PLD1: variants seen among roughly 807,000 people sequenced by gnomAD.
The protein encoded by PLD1 is phospholipase D1, also known as choline phosphatase 1.
PLD1 carries 112 observed loss-of-function variants against 137.1 expected under a neutral mutation model. The observed-to-expected ratio is 0.82, with a 90% CI of 0.70 to 0.96. The LOEUF (loss-of-function observed/expected upper bound fraction) is 0.96, where lower values mean the gene tolerates loss of function less well. PLD1 is among the 40% of genes least tolerant of loss of function. The pLI, the probability that PLD1 is intolerant of heterozygous loss-of-function variation, is 0.00. For synonymous variants in PLD1, 431 were observed against 454.7 expected (o/e 0.95, Z 0.66); for missense variants, 1,321 against 1,342.0 (o/e 0.98, Z 0.24).
chr3:171,729,451 C>T (rs535935866), intron 6 of PLD1, among the ~76,000 whole-genome samples: 4 of 152,266 alleles, frequency 2.6e-5, no homozygotes, highest in South Asian at 4.2e-4. Flanking sequence ...TTGGCAATCA[C>T]GTACACACTG....
intron 26 of PLD1, among the ~76,000 whole-genome samples, chr3:171,604,740 A>G (rs932272971): frequency 2.0e-5 from 3 of 152,272 alleles, no homozygotes; most frequent in Non-Finnish European, 2.9e-5. Context: ...CCAACAAATG[A>G]CATGTCTTGT....
chr3:171,654,688 C>G (rs184108346), intron 21 of PLD1, among the ~76,000 whole-genome samples: 1 of 152,114 alleles, frequency 6.6e-6, no homozygotes, highest in Non-Finnish European at 1.5e-5. Flanking sequence ...GATTTTTTTT[C>G]TCTCTGATCG....
chr3:171,663,587 G>C (rs1200619960), intron 19 of PLD1, among the ~76,000 whole-genome samples: 1 of 152,172 alleles, frequency 6.6e-6, no homozygotes, highest in East Asian at 1.9e-4. Flanking sequence ...CTGCAGAGCA[G>C]ACTGTGGCTG....
intron 1 of PLD1, among the ~76,000 whole-genome samples, chr3:171,780,402 CGTG>C (rs1722752204): frequency 6.6e-6 from 1 of 152,136 alleles, no homozygotes; most frequent in Non-Finnish European, 1.5e-5. Context: ...TGGCTTTAAA[CGTG>C]GTAGTTAGCT....
intron 11 of PLD1, 126 bp downstream of exon 11, chr3:171,708,628 AC>A: frequency 1.7e-6 from 1 of 578,742 alleles, no homozygotes; most frequent in Non-Finnish European, 3.1e-6. Context: ...ACTGGTTGAG[AC>A]CCTGGCCAAA....
At chr3:171,771,185 A>G (rs1722329375) in intron 1 of PLD1, 1 of 152,176 alleles carries the variant, frequency 6.6e-6, no homozygotes, top group African/African-American at 2.4e-5. Flanking sequence ...GCAAAATGTT[A>G]TTTACTAACC....
At chr3:171,667,473 A>C (rs1712265107) in intron 19 of PLD1, among the ~76,000 whole-genome samples, 1 of 152,262 alleles carries the variant, frequency 6.6e-6, no homozygotes, top group African/African-American at 2.4e-5. Flanking sequence ...GGACAGAAAG[A>C]AAAGATAATT....
intron 16 of PLD1, among the ~76,000 whole-genome samples, chr3:171,682,047 A>G (rs1261165451): frequency 6.6e-6 from 1 of 151,884 alleles, no homozygotes; most frequent in Non-Finnish European, 1.5e-5. Flanking sequence ...TTGTATACCT[A>G]TGTAACAAAC....
intron 23 of PLD1, among the ~76,000 whole-genome samples, chr3:171,639,574 ATATATAT>A (rs1735494887): frequency 1.1e-5 from 1 of 91,188 alleles, no homozygotes; most frequent in Non-Finnish European, 2.0e-5. Context: ...ATTATATATA[ATATATAT>A]TCATATAATA....
intron 23 of PLD1, among the ~76,000 whole-genome samples, chr3:171,629,203 T>C (rs1235520883): frequency 3.3e-5 from 5 of 151,976 alleles, no homozygotes; most frequent in African/African-American, 9.7e-5. Flanking sequence ...TCACAAGCAT[T>C]CTTATACACC....
intron 1 of PLD1, among the ~76,000 whole-genome samples, chr3:171,769,031 C>G (rs1018300210): frequency 6.6e-6 from 1 of 152,200 alleles, no homozygotes; most frequent in African/African-American, 2.4e-5. Context: ...TGCTTAGACA[C>G]TTTACCCCAA....
chr3:171,606,010 G>A (rs541983316), intron 25 of PLD1, among the ~76,000 whole-genome samples: 3 of 152,120 alleles, frequency 2.0e-5, no homozygotes, highest in South Asian at 2.1e-4. Flanking sequence ...ATTAAAATAC[G>A]GCTGCTGTAT....
chr3:171,808,292 T>A (rs887333971), intron 1 of PLD1, among the ~76,000 whole-genome samples: 24 of 150,952 alleles, frequency 1.6e-4, no homozygotes, highest in Admixed American at 9.2e-4. Flanking sequence ...ATCCCAGCAC[T>A]TTGGGAGGCC....
chr3:171,769,156 T>A (rs554097130), intron 1 of PLD1, among the ~76,000 whole-genome samples: 2 of 152,104 alleles, frequency 1.3e-5, no homozygotes. Context: ...TTTTAGGGAG[T>A]TTCCCTCTTA....
chr3:171,737,843 C>A (rs902385827), intron 2 of PLD1, 49 bp downstream of exon 2: 24 of 1,570,092 alleles, frequency 1.5e-5, no homozygotes, highest in Non-Finnish European at 2.0e-5. Flanking sequence ...GGTCTTCCGA[C>A]CAACCGAGAT....
intron 24 of PLD1, among the ~76,000 whole-genome samples, chr3:171,613,782 T>C (rs1732873214): frequency 6.6e-6 from 1 of 152,234 alleles, no homozygotes; most frequent in Admixed American, 6.5e-5. Context: ...CTGTGCTTTC[T>C]GCAGTCCTCT....
At chr3:171,781,727 C>T (rs531583475) in intron 1 of PLD1, among the ~76,000 whole-genome samples, 23 of 152,216 alleles carry the variant, frequency 1.5e-4, no homozygotes, top group South Asian at 4.1e-4. Flanking sequence ...TTAAAAAGAC[C>T]GTCAAACCCA....
intron 21 of PLD1, among the ~76,000 whole-genome samples, chr3:171,651,510 T>G (rs1256507323): frequency 6.6e-6 from 1 of 152,192 alleles, no homozygotes; most frequent in Non-Finnish European, 1.5e-5. Context: ...ATGAAAGAAC[T>G]GGCTAAAATC....
chr3:171,672,116 G>A (rs1264437494), intron 19 of PLD1, among the ~76,000 whole-genome samples: 1 of 151,948 alleles, frequency 6.6e-6, no homozygotes, highest in Admixed American at 6.6e-5. Flanking sequence ...ACCCAGTTCT[G>A]TCCCTCTGGA....
Sources: allele counts gnomAD v4.1 joint callset (sites outside exome capture counted in the v4.1 genomes callset), GRCh38; gene constraint gnomAD v4.1.1; transcripts MANE v1.5; gene names NCBI Gene and HGNC (gene_info 2026-07-23, HGNC 2026-07-21).